PTPN6: variants seen among roughly 807,000 people sequenced by gnomAD.
The protein encoded by PTPN6 is tyrosine-protein phosphatase non-receptor type 6.
A neutral mutation model predicts 81.5 loss-of-function variants in PTPN6; 18 were observed. That is an observed-to-expected ratio of 0.22 (90% CI 0.15 to 0.33). The LOEUF (loss-of-function observed/expected upper bound fraction) is 0.33. Among genes scored for constraint, PTPN6 ranks in the 10% least tolerant of loss-of-function variants. The pLI is 1.00. For synonymous variants in PTPN6, 301 were observed against 310.9 expected (o/e 0.97, Z 0.33); for missense variants, 500 against 794.2 (o/e 0.63, Z 4.45).
chr12:6,955,165 A>T lies in PTPN6; in HGVS notation c.531A>T (p.Thr177=). 6.2e-7 allele frequency: 1 copy of T among 1,614,098 alleles called. No individual in the cohort carries two copies. Among genetic ancestry groups the T allele is most frequent in the Non-Finnish European group, 8.5e-7 (1 of 1,179,988 alleles). Residue 177 remains threonine (T), a synonymous_variant, in exon 5 of 16, where the codon ACA becomes ACT. Coordinates refer to ENST00000318974, the MANE Select transcript of PTPN6 (RefSeq NM_002831.6). This position sits in a 1 kb window ranked among gnomAD's most constrained non-coding sequence, Gnocchi z 7.2. ...GCTCCCCCCAGGGTGGACGCTACAC[A>T]GTGGGTGGTTTGGAGACCTTCGACA... ...IKVMCEGGRY[T]VGGLETFDSL...
intron 11 of PTPN6, among the ~76,000 whole-genome samples, chr12:6,958,661 G>T (rs1184892386): frequency 6.6e-6 from 1 of 152,162 alleles, no homozygotes; most frequent in African/African-American, 2.4e-5. Context: ...CTATCTACCC[G>T]CATGTTTGTG....
rs1946016642 is a variant in PTPN6 at position 6,955,698 on chromosome 12, T to A, written c.786T>A (p.Arg262=). ...QKQEVKNLHQ[R]LEGQRPENKG... Reference sequence around the variant, plus strand: ...AGGAGGTGAAGAACTTGCACCAGCGTCTGGAAGGGCAGCGGCCAGAGAACA... The same window carrying A: ...AGGAGGTGAAGAACTTGCACCAGCGACTGGAAGGGCAGCGGCCAGAGAACA... The change falls in exon 7 of 16, where the codon CGT becomes CGA. Residue 262 remains arginine (R), a synonymous_variant. Coordinates refer to ENST00000318974, the MANE Select transcript of PTPN6 (RefSeq NM_002831.6). The surrounding 1 kb of genome is among the most constrained non-coding windows in gnomAD (Gnocchi z 7.2). The A allele has an allele frequency of 1.2e-6, 2 of 1,613,922 alleles. No individual in the cohort carries two copies. The highest frequency in any genetic ancestry group is 2.2e-5 in the South Asian group (2 of 91,080).
rs144566786 is a variant in PTPN6, at chr12:6,955,941, G to A, written c.844+185G>A. Among the ~76,000 whole-genome samples the A allele has an allele frequency of 2.6e-3, 391 of 151,448 alleles. No homozygotes were observed. Among genetic ancestry groups the A allele is most frequent in the African/African-American group, 9.1e-3 (377 of 41,214 alleles). ...GTGCCTCCCCACCACCAGCAGGCAGGTTGCCCCCTGCTCCCAACCTCCTTG... is the reference window on the plus strand; with the variant it reads ...GTGCCTCCCCACCACCAGCAGGCAGATTGCCCCCTGCTCCCAACCTCCTTG... On this transcript the variant is annotated intron_variant, in intron 7 of 15. Transcript: ENST00000318974. The surrounding 1 kb of genome is among the most constrained non-coding windows in gnomAD (Gnocchi z 7.2).
In PTPN6 at chr12:6,960,787, C is replaced by T. The variant is rs782655560; in HGVS notation, c.1674-19C>T. Reference sequence around the variant, plus strand: ...CCTGCACCAACTGCCTGTACTTGCCCCCCTGCACCCGGCTGCAGACACAAG... The same window carrying T: ...CCTGCACCAACTGCCTGTACTTGCCTCCCTGCACCCGGCTGCAGACACAAG... On this transcript the variant is annotated intron_variant, in intron 14 of 15. Coordinates refer to ENST00000318974, the MANE Select transcript of PTPN6 (RefSeq NM_002831.6). The surrounding 1 kb of genome is among the most constrained non-coding windows in gnomAD (Gnocchi z 6.1). 3 of 1,554,198 alleles carry T rather than the reference C, an allele frequency of 1.9e-6. No homozygotes were observed. Among genetic ancestry groups the T allele is most frequent in the Admixed American group, 3.9e-5 (2 of 51,210 alleles).
Position 6,960,433 on chromosome 12 carries a change from C to T in PTPN6, c.1671C>T (p.Ser557=). Residue 557 remains serine (S), a splice_region_variant and synonymous_variant, in exon 14 of 16, where the codon TCC becomes TCT. Coordinates refer to ENST00000318974, the MANE Select transcript of PTPN6 (RefSeq NM_002831.6). The surrounding 1 kb of genome is among the most constrained non-coding windows in gnomAD (Gnocchi z 6.1). Reference sequence around the variant, plus strand: ...ATGCCAAGGCCTCCCGCACCTCGTCCAAGTGAGTGGCCCTGACTGCCACTG... The same window carrying T: ...ATGCCAAGGCCTCCCGCACCTCGTCTAAGTGAGTGGCCCTGACTGCCACTG... The part of the protein sequence containing the change: ...NAHAKASRTS[S]KHKEDVYENL... The T allele has an allele frequency of 6.2e-7, 1 of 1,613,576 alleles. No homozygotes were observed. Among genetic ancestry groups the T allele is most frequent in the African/African-American group, 1.3e-5 (1 of 75,018 alleles).
intron 15 of PTPN6, 38 bp from the exon 16 acceptor site, chr12:6,961,088 A>G: frequency 1.5e-6 from 2 of 1,347,494 alleles, no homozygotes; most frequent in Non-Finnish European, 1.0e-6. Flanking sequence ...TCCAGGTTCC[A>G]GCTACCCTCT....
chr12:6,959,644 A>G lies in PTPN6; in HGVS notation c.1362-283A>G. 1.8e-6 allele frequency: 1 copy of G among 557,756 alleles called. No homozygotes were observed. The allele number at this position is 557,756 out of a possible 1,614,324, so 34.6% of individuals were successfully genotyped here. On this transcript the variant is annotated intron_variant, in intron 11 of 15. Coordinates refer to ENST00000318974, the MANE Select transcript of PTPN6 (RefSeq NM_002831.6). The surrounding 1 kb of genome is among the most constrained non-coding windows in gnomAD (Gnocchi z 6.6). ...GTCCCAGGTCTTCCGGGGTGGGGGC[A>G]GCCACTCACTAGGAGTGAGGAGTCG...
rs1555148256 is a variant in PTPN6 at position 6,954,653 on chromosome 12, G to A, written c.327-152G>A. On this transcript the variant is annotated intron_variant, in intron 3 of 15. Coordinates refer to ENST00000318974, the MANE Select transcript of PTPN6 (RefSeq NM_002831.6). The surrounding 1 kb of genome is among the most constrained non-coding windows in gnomAD (Gnocchi z 5.4). The stretch of plus-strand genomic sequence containing the variant: ...TACCTAGCTCTCAGCATGTTTGTGA[G>A]AGACCTAAATGAGGTGGTGGATTTG... The A allele has an allele frequency of 1.4e-6, 1 of 723,038 alleles. No homozygotes were observed. The highest frequency in any genetic ancestry group is 2.7e-5 in the East Asian group (1 of 36,966). 44.8% of individuals were successfully genotyped at this position (723,038 alleles called of 1,614,324 possible). A position where few individuals can be genotyped will look rare whatever the true frequency, so the allele number is the denominator to read the frequency against.
In PTPN6 at chr12:6,955,013, G is replaced by A. The variant is rs782712646; in HGVS notation, c.516+19G>A. 18 of 1,613,716 alleles carry A rather than the reference G, an allele frequency of 1.1e-5. No individual in the cohort carries two copies. The highest frequency in any genetic ancestry group is 1.0e-4 in the Admixed American group (6 of 60,000). On this transcript the variant is annotated intron_variant, in intron 4 of 15. Coordinates refer to ENST00000318974, the MANE Select transcript of PTPN6 (RefSeq NM_002831.6). This position sits in a 1 kb window ranked among gnomAD's most constrained non-coding sequence, Gnocchi z 7.2. The stretch of plus-strand genomic sequence containing the variant: ...GTGCGAGGTAAGGCAGCCAGGCGGC[G>A]GGGGAGCCTCTGCTGAGGCTCCTGT...
chr12:6,949,169 C>A (rs1339509334), upstream of PTPN6, among the ~76,000 whole-genome samples: 1 of 152,148 alleles, frequency 6.6e-6, no homozygotes, highest in Non-Finnish European at 1.5e-5. Context: ...GGTAGCTTGG[C>A]CAGGCCTCCC....
chr12:6,952,429 C>A lies in PTPN6; in HGVS notation c.326+252C>A. The A allele has an allele frequency of 1.8e-6, 1 of 566,986 alleles. No homozygotes were observed. Among genetic ancestry groups the A allele is most frequent in the South Asian group, 2.0e-5 (1 of 49,852 alleles). 35.1% of individuals were successfully genotyped at this position (566,986 alleles called of 1,614,324 possible). ...AGCTGCCTCGCCCTACTCCGGGAGCCCTGGCCGCTGCAACCCAGGTCCCAC... is the reference window on the plus strand; with the variant it reads ...AGCTGCCTCGCCCTACTCCGGGAGCACTGGCCGCTGCAACCCAGGTCCCAC... On this transcript the variant is annotated intron_variant, in intron 3 of 15. Coordinates refer to ENST00000318974, the MANE Select transcript of PTPN6 (RefSeq NM_002831.6). This position sits in a 1 kb window ranked among gnomAD's most constrained non-coding sequence, Gnocchi z 8.1.
At position 6,956,521 on chromosome 12, in the gene PTPN6, A is replaced by G. The variant is rs1946034768; in HGVS notation, c.1027A>G (p.Asn343Asp). Reference sequence around the variant, plus strand: ...CTTCTGGCAGATGGCGTGGCAGGAGAACAGCCGTGTCATCGTCATGACCAC... The same window carrying G: ...CTTCTGGCAGATGGCGTGGCAGGAGGACAGCCGTGTCATCGTCATGACCAC... ...NDFWQMAWQENSRVIVMTTRE... is the reference protein window; with the variant it reads ...NDFWQMAWQEDSRVIVMTTRE... Residue 343 changes from asparagine (N) to aspartate (D), a missense_variant, in exon 9 of 16, where the codon AAC becomes GAC. Physicochemically the swap from Asn to Asp is conservative, Grantham distance 23. Transcript: ENST00000318974. The surrounding 1 kb of genome is among the most constrained non-coding windows in gnomAD (Gnocchi z 4.1). 1.2e-6 allele frequency: 2 copies of G among 1,613,852 alleles called. No individual in the cohort carries two copies. Among genetic ancestry groups the G allele is most frequent in the African/African-American group, 1.3e-5 (1 of 75,012 alleles).
Position 6,956,030 on chromosome 12 carries a change from G to A in PTPN6, c.845-112G>A. 5 of 1,105,414 alleles carry A rather than the reference G, an allele frequency of 4.5e-6. No individual in the cohort carries two copies. Among genetic ancestry groups the A allele is most frequent in the Non-Finnish European group, 6.8e-6 (5 of 731,070 alleles). The allele number at this position is 1,105,414 out of a possible 1,614,324, so 68.5% of individuals were successfully genotyped here. A position where few individuals can be genotyped will look rare whatever the true frequency, so the allele number is the denominator to read the frequency against. ...CCCTGCTGCCCACAGTCCCCCGCAA[G>A]CCTCATGGCTTCTGAGACCAGAATG... On this transcript the variant is annotated intron_variant, in intron 7 of 15. Coordinates refer to ENST00000318974, the MANE Select transcript of PTPN6 (RefSeq NM_002831.6). The surrounding 1 kb of genome is among the most constrained non-coding windows in gnomAD (Gnocchi z 4.1).
upstream of PTPN6, chr12:6,951,350 C>T: frequency 6.5e-7 from 1 of 1,533,362 alleles, no homozygotes; most frequent in Non-Finnish European, 8.8e-7. This position sits in a 1 kb window ranked among gnomAD's most constrained non-coding sequence, Gnocchi z 7.2. Context: ...CCGGCTGCCC[C>T]AGGCCAGTGG....
Position 6,954,690 on chromosome 12 carries a change from C to T in PTPN6, c.327-115C>T, listed in dbSNP as rs1322639710. 2.2e-5 allele frequency: 22 copies of T among 1,020,326 alleles called. No individual in the cohort carries two copies. The highest frequency in any genetic ancestry group is 1.5e-4 in the South Asian group (11 of 71,956). 63.2% of individuals were successfully genotyped at this position (1,020,326 alleles called of 1,614,324 possible). A position where few individuals can be genotyped will look rare whatever the true frequency, so the allele number is the denominator to read the frequency against. Reference sequence around the variant, plus strand: ...AGGTGGTGGATTTGGAAGCATGTAGCGCAGTGCCTGGCACACAGTAGGTGC... The same window carrying T: ...AGGTGGTGGATTTGGAAGCATGTAGTGCAGTGCCTGGCACACAGTAGGTGC... On this transcript the variant is annotated intron_variant, in intron 3 of 15. Coordinates refer to ENST00000318974, the MANE Select transcript of PTPN6 (RefSeq NM_002831.6). This position sits in a 1 kb window ranked among gnomAD's most constrained non-coding sequence, Gnocchi z 5.4.
At position 6,955,121 on chromosome 12, in the gene PTPN6, C is replaced by T; in HGVS notation, c.517-30C>T. ...GGACCCAGGGAGGGAGACTCAAGTC[C>T]TGTGAATGGCCTAATTTGGCTCCCC... is the stretch of plus-strand genomic sequence containing the variant. On this transcript the variant is annotated intron_variant, in intron 4 of 15. Transcript: ENST00000318974. This position sits in a 1 kb window ranked among gnomAD's most constrained non-coding sequence, Gnocchi z 7.2. 1 of 1,612,200 alleles carries T rather than the reference C, an allele frequency of 6.2e-7. No individual in the cohort carries two copies. Among genetic ancestry groups the T allele is most frequent in the Non-Finnish European group, 8.5e-7 (1 of 1,178,248 alleles).
intron 11 of PTPN6, among the ~76,000 whole-genome samples, chr12:6,958,295 C>T (rs1461337211): frequency 6.6e-6 from 1 of 152,196 alleles, no homozygotes. Context: ...TCCTCAGAGC[C>T]CTCTCCGGAT....
Position 6,960,610 on chromosome 12 carries a change from C to T in PTPN6, c.1673+175C>T. The T allele has an allele frequency of 6.7e-7, 1 of 1,500,588 alleles. No individual in the cohort carries two copies. Among genetic ancestry groups the T allele is most frequent in the Non-Finnish European group, 9.1e-7 (1 of 1,101,864 alleles). 93.0% of individuals were successfully genotyped at this position (1,500,588 alleles called of 1,614,324 possible). A position where few individuals can be genotyped will look rare whatever the true frequency, so the allele number is the denominator to read the frequency against. On this transcript the variant is annotated intron_variant, in intron 14 of 15. Transcript: ENST00000318974. This position sits in a 1 kb window ranked among gnomAD's most constrained non-coding sequence, Gnocchi z 6.1. ...CCTGAGTGCCCACACGTGTGGGCCT[C>T]TGCTAGGTACCAGCAGCGCACTCGT... is the stretch of plus-strand genomic sequence containing the variant.
At position 6,959,451 on chromosome 12, in the gene PTPN6, C is replaced by G. The variant is rs1223739458; in HGVS notation, c.1362-476C>G. 3.9e-6 allele frequency: 1 copy of G among 255,566 alleles called. No homozygotes were observed. The highest frequency in any genetic ancestry group is 2.2e-5 in the African/African-American group (1 of 44,814). The allele number at this position is 255,566 out of a possible 1,614,324, so 15.8% of individuals were successfully genotyped here. ...GCACTGCTCCCCTGAGTCCCCTGACCCTGTGCCCCCGCACCCTGCTGTCTC... is the reference window on the plus strand; with the variant it reads ...GCACTGCTCCCCTGAGTCCCCTGACGCTGTGCCCCCGCACCCTGCTGTCTC... On this transcript the variant is annotated intron_variant, in intron 11 of 15. Transcript: ENST00000318974. This position sits in a 1 kb window ranked among gnomAD's most constrained non-coding sequence, Gnocchi z 6.6.
Sources: allele counts gnomAD v4.1 joint callset (sites outside exome capture counted in the v4.1 genomes callset), GRCh38; gene constraint gnomAD v4.1.1; non-coding constraint Gnocchi (gnomAD v3.1); transcripts MANE v1.5; gene names NCBI Gene and HGNC (gene_info 2026-07-23, HGNC 2026-07-21).